The following BAALC variants were observed in gnomAD, a reference collection of about 807,000 sequenced individuals.
BAALC encodes BAALC binder of MAP3K1 and KLF4, also known as brain and acute leukemia cytoplasmic protein.
A neutral mutation model predicts 15.5 loss-of-function variants in BAALC; 9 were observed. The ratio of observed to expected loss-of-function variants is 0.58; its 90% CI spans 0.35 to 1.02. The LOEUF (loss-of-function observed/expected upper bound fraction) is 1.02. Ranked by LOEUF, BAALC falls within the 50% of genes least tolerant of loss-of-function variation. The pLI is 0.02. For missense variants in BAALC, 201 were observed against 192.4 expected (o/e 1.04, Z -0.27); for synonymous variants, 80 against 74.6 (o/e 1.07, Z -0.37).
intron 2 of BAALC, among the ~76,000 whole-genome samples, chr8:103,222,541 A>G (rs950707902): frequency 2.0e-5 from 3 of 152,192 alleles, no homozygotes; most frequent in Non-Finnish European, 2.9e-5. Context: ...ATCAGAGTTT[A>G]GTCCTCAATT....
intron 1 of BAALC, among the ~76,000 whole-genome samples, chr8:103,156,390 G>A (rs766054610): frequency 6.6e-6 from 1 of 152,154 alleles, no homozygotes; most frequent in East Asian, 1.9e-4. Context: ...CTTGAGTTGG[G>A]TGGGATTCAG....
At chr8:103,155,061 T>C (rs899043520) in intron 1 of BAALC, among the ~76,000 whole-genome samples, 1 of 152,120 alleles carries the variant, frequency 6.6e-6, no homozygotes, top group Non-Finnish European at 1.5e-5. Flanking sequence ...TTAAACATTT[T>C]TGAAGCAAAT....
intron 1 of BAALC, among the ~76,000 whole-genome samples, chr8:103,193,892 G>A (rs377658526): frequency 7.2e-5 from 11 of 152,174 alleles, no homozygotes; most frequent in African/African-American, 2.4e-4. Context: ...CACCAAAGAC[G>A]CTTGTTGGGT....
At chr8:103,195,158 C>T (rs547155136) in intron 1 of BAALC, among the ~76,000 whole-genome samples, 1 of 152,166 alleles carries the variant, frequency 6.6e-6, no homozygotes, top group Non-Finnish European at 1.5e-5. Context: ...ACTGGAGTCC[C>T]ATCATCAAAT....
intron 1 of BAALC, among the ~76,000 whole-genome samples, chr8:103,193,230 A>G (rs1404547629): frequency 6.6e-6 from 1 of 152,200 alleles, no homozygotes; most frequent in Non-Finnish European, 1.5e-5. Flanking sequence ...TGCATGCAGT[A>G]AACAGACCCT....
At chr8:103,159,119 C>T (rs763640431) in intron 1 of BAALC, among the ~76,000 whole-genome samples, 13 of 152,174 alleles carry the variant, frequency 8.5e-5, no homozygotes, top group East Asian at 1.9e-4. Context: ...ATAGGCTTGA[C>T]GGAATTCTGG....
chr8:103,179,560 G>A (rs895820983), intron 1 of BAALC, among the ~76,000 whole-genome samples: 22 of 152,330 alleles, frequency 1.4e-4, no homozygotes, highest in African/African-American at 5.1e-4. Flanking sequence ...CACCCTCCTT[G>A]TTTCCCAGCT....
At chr8:103,198,259 T>C in intron 1 of BAALC, 1 of 583,668 alleles carries the variant, frequency 1.7e-6, no homozygotes, top group East Asian at 2.9e-5. Flanking sequence ...TTGACTACTA[T>C]TTTTGATAGC....
intron 1 of BAALC, among the ~76,000 whole-genome samples, chr8:103,151,285 G>T (rs1810981003): frequency 6.6e-6 from 1 of 152,126 alleles, no homozygotes; most frequent in African/African-American, 2.4e-5. Flanking sequence ...CCAAAGTGCT[G>T]CAATTACAGG....
intron 1 of BAALC, among the ~76,000 whole-genome samples, chr8:103,148,637 T>TTTTG (rs1205465121): frequency 3.8e-4 from 58 of 152,334 alleles, no homozygotes; most frequent in African/African-American, 1.3e-3. Context: ...TTCTGCCTTT[T>TTTTG]TTTGTTTGTT....
At chr8:103,192,117 T>A (rs1811982765) in intron 1 of BAALC, among the ~76,000 whole-genome samples, 1 of 152,180 alleles carries the variant, frequency 6.6e-6, no homozygotes, top group Admixed American at 6.5e-5. Flanking sequence ...AATGGTGCGA[T>A]CTCAGCTCAC....
chr8:103,188,037 A>T (rs980368355), intron 1 of BAALC, among the ~76,000 whole-genome samples: 1 of 152,192 alleles, frequency 6.6e-6, no homozygotes, highest in Admixed American at 6.5e-5. Flanking sequence ...ATAAATTAGC[A>T]AAGAAACAGG....
At chr8:103,192,345 C>A (rs1811990437) in intron 1 of BAALC, among the ~76,000 whole-genome samples, 1 of 152,240 alleles carries the variant, frequency 6.6e-6, no homozygotes, top group African/African-American at 2.4e-5. Flanking sequence ...AGCCACCGCA[C>A]CCGGCCAACT....
At chr8:103,162,346 T>G (rs1256046842) in intron 1 of BAALC, among the ~76,000 whole-genome samples, 1 of 152,186 alleles carries the variant, frequency 6.6e-6, no homozygotes, top group Non-Finnish European at 1.5e-5. Context: ...GCAAAAAGTC[T>G]AAAAGCAAAA....
intron 1 of BAALC, among the ~76,000 whole-genome samples, chr8:103,204,657 A>G (rs1812289355): frequency 6.6e-6 from 1 of 152,226 alleles, no homozygotes; most frequent in Admixed American, 6.5e-5. Flanking sequence ...GTCATAGCAC[A>G]TGTGTTGAAA....
At chr8:103,222,929 T>A (rs1006465763) in intron 2 of BAALC, among the ~76,000 whole-genome samples, 1 of 152,036 alleles carries the variant, frequency 6.6e-6, no homozygotes, top group African/African-American at 2.4e-5. Context: ...ATAAAATTAA[T>A]GTTAATAGCT....
intron 1 of BAALC, among the ~76,000 whole-genome samples, chr8:103,175,550 T>C (rs1269288147): frequency 6.6e-6 from 1 of 152,220 alleles, no homozygotes; most frequent in African/African-American, 2.4e-5. Context: ...GCAAATAGGC[T>C]TTACTTCAGC....
chr8:103,162,661 A>G (rs775810903), intron 1 of BAALC, among the ~76,000 whole-genome samples: 2 of 152,186 alleles, frequency 1.3e-5, no homozygotes, highest in Non-Finnish European at 2.9e-5. Flanking sequence ...TATTGGTTAT[A>G]AATGAGTCAC....
chr8:103,146,061 T>C (rs549965966), intron 1 of BAALC, among the ~76,000 whole-genome samples: 7 of 152,364 alleles, frequency 4.6e-5, no homozygotes, highest in African/African-American at 1.4e-4. Flanking sequence ...GGCACAAAGA[T>C]GACCTGAAGA....
Sources: gnomAD v4.1 joint callset for allele counts (sites outside exome capture counted in the v4.1 genomes callset) on GRCh38, gnomAD v4.1.1 for gene constraint, MANE v1.5 for transcripts, NCBI Gene and HGNC (gene_info 2026-07-23, HGNC 2026-07-21) for gene names.